The following PTPN13 variants were observed in gnomAD, a reference collection of about 807,000 sequenced individuals.
The protein encoded by PTPN13 is protein tyrosine phosphatase non-receptor type 13.
Under a neutral mutation model 284.0 loss-of-function variants are expected in PTPN13, and 191 were observed. That is an observed-to-expected ratio of 0.67 (90% confidence interval 0.60 to 0.76). PTPN13 has a LOEUF of 0.76. PTPN13 is among the 30% of genes least tolerant of loss of function. The pLI, the probability that PTPN13 is intolerant of heterozygous loss-of-function variation, is 0.00. For missense variants in PTPN13, 2,797 were observed against 2,939.9 expected, an observed-to-expected ratio of 0.95 and a Z score of 1.12; for synonymous variants, 986 against 1,022.3, an observed-to-expected ratio of 0.96 and a Z score of 0.68.
At chr4:86,802,340 G>C (rs866744619) in intron 42 of PTPN13, among the ~76,000 whole-genome samples, 104 of 152,142 alleles carry the variant, frequency 6.8e-4, no homozygotes, top group African/African-American at 2.2e-3. Flanking sequence ...TACCTATTAT[G>C]TTGTTTCTGA....
At chr4:86,657,927 A>G (rs987724775) in intron 2 of PTPN13, among the ~76,000 whole-genome samples, 2 of 152,112 alleles carry the variant, frequency 1.3e-5, no homozygotes, top group Admixed American at 6.5e-5. Flanking sequence ...GAGGGGTGAT[A>G]CAGGCACTCC....
At chr4:86,696,094 A>G (rs1730563868) in intron 6 of PTPN13, among the ~76,000 whole-genome samples, 1 of 152,020 alleles carries the variant, frequency 6.6e-6, no homozygotes, top group Non-Finnish European at 1.5e-5. Context: ...TATTTTAAAG[A>G]TAGCAATTAA....
intron 17 of PTPN13, 121 bp downstream of exon 17, chr4:86,745,249 C>A: frequency 1.1e-6 from 1 of 918,120 alleles, no homozygotes; most frequent in Non-Finnish European, 1.6e-6. Flanking sequence ...TGTTAAATAG[C>A]TAAATCAAGT....
At chr4:86,693,523 A>T in intron 5 of PTPN13, 64 bp from the exon 6 acceptor site, 1 of 1,052,764 alleles carries the variant, frequency 9.5e-7, no homozygotes, top group Non-Finnish European at 1.4e-6. Flanking sequence ...TTCTGTAAAC[A>T]GTTACCATGA....
In PTPN13 at chr4:86,758,803, A is replaced by G. The variant is rs766199311; in HGVS notation, c.3421+18A>G. The G allele has an allele frequency of 4.7e-5, 75 of 1,605,260 alleles. No homozygotes were observed. Among genetic ancestry groups the G allele is most frequent in the Non-Finnish European group, 6.0e-5 (71 of 1,176,168 alleles). On this transcript the variant is annotated intron_variant, in intron 22 of 47. Coordinates refer to ENST00000411767, the MANE Select transcript of PTPN13 (RefSeq NM_080683.3). The stretch of plus-strand genomic sequence containing the variant: ...GAAGCCAGGTACTTTACATTTTGGT[A>G]GTTTTCTAAGTATTTTCTGACAGGC...
chr4:86,703,889 T>C (rs932958525), intron 7 of PTPN13, among the ~76,000 whole-genome samples: 2 of 152,000 alleles, frequency 1.3e-5, no homozygotes, highest in African/African-American at 4.8e-5. Flanking sequence ...AATAATAAAA[T>C]TGGCCAGGCG....
At chr4:86,676,151 T>G (rs1024489912) in intron 3 of PTPN13, among the ~76,000 whole-genome samples, 5 of 152,230 alleles carry the variant, frequency 3.3e-5, no homozygotes, top group African/African-American at 1.2e-4. Flanking sequence ...GTTAATCCAT[T>G]CTCTGTCCCG....
In PTPN13 at chr4:86,594,333, C is replaced by A. The variant is rs936921016; in HGVS notation, c.-462C>A. The A allele has an allele frequency of 6.6e-6, 1 of 152,400 alleles. No homozygotes were observed. Among genetic ancestry groups the A allele is most frequent in the South Asian group, 2.1e-4 (1 of 4,832 alleles). 9.4% of individuals were successfully genotyped at this position (152,400 alleles called of 1,614,324 possible). On this transcript the variant is annotated 5_prime_UTR_variant, in exon 1 of 48. Transcript: ENST00000411767. ...GTGGTGCGAGTAGCTCCAGCGGCCACGCTGAGGCGAGGGTGACACACCATG... is the reference window on the plus strand; with the variant it reads ...GTGGTGCGAGTAGCTCCAGCGGCCAAGCTGAGGCGAGGGTGACACACCATG...
At chr4:86,663,539 G>C (rs1218917779) in intron 2 of PTPN13, among the ~76,000 whole-genome samples, 2 of 152,140 alleles carry the variant, frequency 1.3e-5, no homozygotes, top group East Asian at 3.9e-4. Flanking sequence ...GAGGAAAAGG[G>C]TGGGAGAAGG....
intron 2 of PTPN13, among the ~76,000 whole-genome samples, chr4:86,651,389 C>G (rs1174834156): frequency 6.6e-6 from 1 of 151,886 alleles, no homozygotes; most frequent in Non-Finnish European, 1.5e-5. Context: ...TTTCCTTCCT[C>G]CTTCCATCCC....
rs779814300 is a variant in PTPN13 at position 86,701,819 on chromosome 4, T to A, written c.1195+18T>A. ...TGTAGAAGGTTAGTAATTCTGTGCA[T>A]GTTTGAGAAAGAATTGAAGTATTTT... is the stretch of plus-strand genomic sequence containing the variant. On this transcript the variant is annotated intron_variant, in intron 7 of 47. Coordinates refer to ENST00000411767, the MANE Select transcript of PTPN13 (RefSeq NM_080683.3). 1 of 1,556,130 alleles carries A rather than the reference T, an allele frequency of 6.4e-7. No individual in the cohort carries two copies. The highest frequency in any genetic ancestry group is 1.4e-5 in the African/African-American group (1 of 72,154).
intron 41 of PTPN13, among the ~76,000 whole-genome samples, chr4:86,797,249 T>C (rs113655471): frequency 0.02 from 3,100 of 152,106 alleles, 27 homozygotes; most frequent in Non-Finnish European, 0.032. Context: ...CCCAGCACTT[T>C]GGGTGGCTGA....
intron 1 of PTPN13, among the ~76,000 whole-genome samples, chr4:86,627,862 A>G (rs971744377): frequency 6.6e-6 from 1 of 152,186 alleles, no homozygotes; most frequent in African/African-American, 2.4e-5. Flanking sequence ...TAATTATTTC[A>G]GATTTATCCA....
At chr4:86,688,060 C>T (rs979989002) in intron 4 of PTPN13, among the ~76,000 whole-genome samples, 2 of 152,034 alleles carry the variant, frequency 1.3e-5, no homozygotes, top group Non-Finnish European at 2.9e-5. Flanking sequence ...GCAATAAATG[C>T]TATGTTAGGG....
chr4:86,713,970 C>CA (rs1433070213), intron 7 of PTPN13, among the ~76,000 whole-genome samples: 1 of 151,088 alleles, frequency 6.6e-6, no homozygotes, highest in African/African-American at 2.4e-5. Flanking sequence ...TGCAGACTAG[C>CA]AAAAAAGAAT....
intron 7 of PTPN13, among the ~76,000 whole-genome samples, chr4:86,707,282 A>T (rs1279105176): frequency 1.3e-5 from 2 of 152,246 alleles, no homozygotes; most frequent in Non-Finnish European, 2.9e-5. Flanking sequence ...GGCTATAGTT[A>T]AGTGTTATTT....
At chr4:86,632,321 C>T (rs531536518) in intron 1 of PTPN13, among the ~76,000 whole-genome samples, 1 of 152,194 alleles carries the variant, frequency 6.6e-6, no homozygotes, top group Non-Finnish European at 1.5e-5. Context: ...GTTGCTATAT[C>T]TGACCCCATC....
chr4:86,789,842 CTTT>C (rs34944218), intron 40 of PTPN13, among the ~76,000 whole-genome samples: 3 of 135,962 alleles, frequency 2.2e-5, no homozygotes, highest in Non-Finnish European at 3.2e-5. Context: ...ATCACTGTAG[CTTT>C]TTTTTTTTTT....
chr4:86,661,004 G>T, intron 2 of PTPN13: 3 of 368,704 alleles, frequency 8.1e-6, no homozygotes, highest in Non-Finnish European at 1.0e-5. Context: ...CTTTATTATT[G>T]TTGAGGTATA....
Sources: allele counts gnomAD v4.1 joint callset (sites outside exome capture counted in the v4.1 genomes callset), GRCh38; gene constraint gnomAD v4.1.1; transcripts MANE v1.5; gene names NCBI Gene and HGNC (gene_info 2026-07-23, HGNC 2026-07-21).